The following PLCB4 variants were observed in gnomAD, a reference collection of about 807,000 sequenced individuals.
PLCB4 encodes 1-phosphatidylinositol 4,5-bisphosphate phosphodiesterase beta-4.
A neutral mutation model predicts 178.8 loss-of-function variants in PLCB4; 77 were observed. That is an observed-to-expected ratio of 0.43 (90% confidence interval 0.36 to 0.52). The LOEUF (loss-of-function observed/expected upper bound fraction) is 0.52, where lower values mean the gene tolerates loss of function less well. Ranked by LOEUF, PLCB4 falls within the 20% of genes least tolerant of loss-of-function variation. The pLI is 0.00. For missense variants in PLCB4, 1,024 were observed against 1,453.4 expected (o/e 0.70, Z 4.80); for synonymous variants, 496 against 490.8 (o/e 1.01, Z -0.14).
chr20:9,120,949 G>A (rs1218728527), intron 2 of PLCB4, among the ~76,000 whole-genome samples: 1 of 152,070 alleles, frequency 6.6e-6, no homozygotes, highest in Non-Finnish European at 1.5e-5. Context: ...GTGTTGTTGT[G>A]CCATCACAGC....
chr20:9,076,324 G>C (rs886949427), intron 1 of PLCB4, among the ~76,000 whole-genome samples: 2 of 152,066 alleles, frequency 1.3e-5, no homozygotes, highest in African/African-American at 4.8e-5. Flanking sequence ...AAAATTAGCC[G>C]GGTGTGGTGG....
chr20:9,163,377 A>G (rs1199729167), intron 2 of PLCB4, among the ~76,000 whole-genome samples: 1 of 152,168 alleles, frequency 6.6e-6, no homozygotes, highest in Non-Finnish European at 1.5e-5. Flanking sequence ...GCAGAGTCAA[A>G]ATATGTGTCT....
At chr20:9,405,400 A>T (rs921380102) in intron 21 of PLCB4, 52 bp downstream of exon 21, 7 of 1,096,092 alleles carry the variant, frequency 6.4e-6, no homozygotes, top group Non-Finnish European at 9.3e-6. Context: ...CTAATTTAAA[A>T]AATCTTCAAA....
At chr20:9,176,305 C>G (rs1237932762) in intron 2 of PLCB4, among the ~76,000 whole-genome samples, 1 of 152,080 alleles carries the variant, frequency 6.6e-6, no homozygotes, top group Non-Finnish European at 1.5e-5. Flanking sequence ...TTCCTATGAA[C>G]ATTTGTGTAC....
chr20:9,073,407 C>T (rs1052335499), intron 1 of PLCB4, among the ~76,000 whole-genome samples: 1 of 152,062 alleles, frequency 6.6e-6, no homozygotes, highest in Non-Finnish European at 1.5e-5. Flanking sequence ...TCTTTATATT[C>T]ACTTACTTCC....
At chr20:9,233,713 T>A (rs1466624778) in intron 3 of PLCB4, among the ~76,000 whole-genome samples, 2 of 152,178 alleles carry the variant, frequency 1.3e-5, no homozygotes, top group Admixed American at 1.3e-4. Flanking sequence ...GAAGAACTTA[T>A]GTTTAACTAA....
chr20:9,135,509 A>G (rs1260666664), intron 2 of PLCB4, among the ~76,000 whole-genome samples: 3 of 152,064 alleles, frequency 2.0e-5, no homozygotes, highest in African/African-American at 7.2e-5. Flanking sequence ...ACAAAGCACG[A>G]CTTTGTTTCT....
chr20:9,194,544 C>T (rs1032892854), intron 2 of PLCB4, among the ~76,000 whole-genome samples: 14 of 151,442 alleles, frequency 9.2e-5, no homozygotes, highest in Non-Finnish European at 1.6e-4. Flanking sequence ...AAAAATTAGC[C>T]GGGCGTGGTG....
intron 4 of PLCB4, among the ~76,000 whole-genome samples, chr20:9,318,746 C>G (rs1261573422): frequency 6.6e-6 from 1 of 152,204 alleles, no homozygotes; most frequent in Non-Finnish European, 1.5e-5. Context: ...ATTTTTCTCA[C>G]TGATACAATT....
At chr20:9,350,567 T>C (rs2034239581) in intron 7 of PLCB4, among the ~76,000 whole-genome samples, 1 of 152,122 alleles carries the variant, frequency 6.6e-6, no homozygotes, top group Non-Finnish European at 1.5e-5. Flanking sequence ...TTTTTCTCTT[T>C]TTTTTTCTGA....
At chr20:9,447,104 G>C (rs17483096) in intron 32 of PLCB4, among the ~76,000 whole-genome samples, 15,700 of 152,190 alleles carry the variant, frequency 0.1, 897 homozygotes, top group East Asian at 0.15. Flanking sequence ...ATTGATACTT[G>C]CTTAAGCACA....
At chr20:9,106,313 A>G (rs2091360741) in intron 2 of PLCB4, among the ~76,000 whole-genome samples, 1 of 151,742 alleles carries the variant, frequency 6.6e-6, no homozygotes, top group African/African-American at 2.4e-5. Context: ...TTACTTTTGC[A>G]CCAACCTATA....
chr20:9,341,010 A>G (rs555491678), intron 7 of PLCB4, among the ~76,000 whole-genome samples: 88 of 152,218 alleles, frequency 5.8e-4, no homozygotes, highest in African/African-American at 2.1e-3. Flanking sequence ...TAGAGAGGTA[A>G]AGGAACTCTG....
At chr20:9,396,103 T>C (rs1314860414) in intron 19 of PLCB4, among the ~76,000 whole-genome samples, 1 of 152,262 alleles carries the variant, frequency 6.6e-6, no homozygotes, top group Non-Finnish European at 1.5e-5. Context: ...CCATTTTTTC[T>C]GGCTACTAAA....
At chr20:9,143,632 G>A (rs1330827422) in intron 2 of PLCB4, among the ~76,000 whole-genome samples, 2 of 152,086 alleles carry the variant, frequency 1.3e-5, no homozygotes, top group East Asian at 3.9e-4. Context: ...TCACATTGCA[G>A]TTTGGCAATT....
chr20:9,185,186 A>G (rs548322649), intron 2 of PLCB4, among the ~76,000 whole-genome samples: 77 of 152,300 alleles, frequency 5.1e-4, no homozygotes, highest in Non-Finnish European at 8.7e-4. Context: ...TATAGGTGAG[A>G]GCTACCACGC....
In PLCB4 at chr20:9,408,834, T is replaced by A; in HGVS notation, c.1874+117T>A. ...GTGGTGGAGTTCATAAAATGATATG[T>A]GGGAAAGACCATGGCAGCTGTGACA... On this transcript the variant is annotated intron_variant, in intron 23 of 39. Coordinates refer to ENST00000378473, the MANE Select transcript of PLCB4 (RefSeq NM_001377142.1). 3 of 708,196 alleles carry A rather than the reference T, an allele frequency of 4.2e-6. No individual in the cohort carries two copies. In the Admixed American group the frequency reaches 6.9e-5, roughly 16 times the overall value. 43.9% of individuals were successfully genotyped at this position (708,196 alleles called of 1,614,324 possible). A position where few individuals can be genotyped will look rare whatever the true frequency, so the allele number is the denominator to read the frequency against.
chr20:9,070,244 G>A (rs1462771329), intron 1 of PLCB4, among the ~76,000 whole-genome samples: 1 of 152,154 alleles, frequency 6.6e-6, no homozygotes, highest in Non-Finnish European at 1.5e-5. Context: ...CTTTACCTGG[G>A]GAGGCTCCAA....
intron 7 of PLCB4, among the ~76,000 whole-genome samples, chr20:9,360,409 A>T (rs1568650954): frequency 6.6e-6 from 1 of 152,126 alleles, no homozygotes; most frequent in Non-Finnish European, 1.5e-5. Context: ...TCTGTAATTT[A>T]TTTCGACAAA....
Sources: allele counts gnomAD v4.1 joint callset (sites outside exome capture counted in the v4.1 genomes callset), GRCh38; gene constraint gnomAD v4.1.1; transcripts MANE v1.5; gene names NCBI Gene and HGNC (gene_info 2026-07-23, HGNC 2026-07-21).